The following LRCH1 variants were observed in gnomAD, a reference collection of about 807,000 sequenced individuals.
LRCH1 encodes leucine rich repeats and calponin homology domain containing 1.
In LRCH1, 23 loss-of-function variants were observed where a neutral mutation model predicts 94.9. The observed-to-expected ratio is 0.24, with a 90% CI of 0.17 to 0.34. The LOEUF is 0.34. Ranked by LOEUF, LRCH1 falls within the 10% of genes least tolerant of loss-of-function variation. The pLI, the probability that LRCH1 is intolerant of heterozygous loss-of-function variation, is 1.00. For missense variants in LRCH1, 790 were observed against 945.9 expected, an observed-to-expected ratio of 0.84 and a Z score of 2.16; for synonymous variants, 364 against 354.9, an observed-to-expected ratio of 1.03 and a Z score of -0.29.
chr13:46,683,541 T>G (rs1388041680), intron 4 of LRCH1, among the ~76,000 whole-genome samples: 1 of 152,202 alleles, frequency 6.6e-6, no homozygotes, highest in Non-Finnish European at 1.5e-5. Context: ...ATACAACCTT[T>G]TATGAGTTAA....
At chr13:46,715,765 G>A in intron 16 of LRCH1, 101 bp downstream of exon 16, 1 of 735,350 alleles carries the variant, frequency 1.4e-6, no homozygotes, top group Admixed American at 2.1e-5. Context: ...ATATTCACCT[G>A]CATGCTTGGT....
At chr13:46,609,000 C>T (rs1364001178) in intron 1 of LRCH1, among the ~76,000 whole-genome samples, 1 of 152,266 alleles carries the variant, frequency 6.6e-6, no homozygotes. Flanking sequence ...ATTGACCTCC[C>T]GAGCTGTATG....
At chr13:46,736,153 T>TGTGTGTAC (rs1873375607) in intron 19 of LRCH1, among the ~76,000 whole-genome samples, 1 of 151,962 alleles carries the variant, frequency 6.6e-6, no homozygotes, top group Admixed American at 6.6e-5. Flanking sequence ...TGTGTGTGTG[T>TGTGTGTAC]GTACACATAT....
At chr13:46,587,850 C>T (rs1481111122) in intron 1 of LRCH1, among the ~76,000 whole-genome samples, 3 of 152,170 alleles carry the variant, frequency 2.0e-5, no homozygotes, top group African/African-American at 2.4e-5. Context: ...TCATATAGCA[C>T]TTATTATACA....
chr13:46,692,187 T>C (rs562998633), intron 7 of LRCH1, among the ~76,000 whole-genome samples: 1 of 152,310 alleles, frequency 6.6e-6, no homozygotes, highest in East Asian at 1.9e-4. Flanking sequence ...AGATTTCAGC[T>C]TAAAACAGAG....
At chr13:46,677,761 C>G (rs2051697574) in intron 3 of LRCH1, among the ~76,000 whole-genome samples, 1 of 152,030 alleles carries the variant, frequency 6.6e-6, no homozygotes, top group Non-Finnish European at 1.5e-5. Flanking sequence ...TGTTTTTTAT[C>G]TAAATGACAA....
At chr13:46,582,648 C>CTTTTTTTGTTTTTTTTTTTTTT (rs2050384129) in intron 1 of LRCH1, among the ~76,000 whole-genome samples, 1 of 23,332 alleles carries the variant, frequency 4.3e-5, no homozygotes. Flanking sequence ...CCATGCCCAG[C>CTTTTTTTGTTTTTTTTTTTTTT]TTTTTTTTTT....
chr13:46,670,234 A>G (rs1199447568), intron 3 of LRCH1, among the ~76,000 whole-genome samples: 2 of 152,244 alleles, frequency 1.3e-5, no homozygotes, highest in Non-Finnish European at 2.9e-5. Flanking sequence ...GCATTGTCCA[A>G]AACTCATTCC....
chr13:46,728,598 A>C (rs952699089), intron 17 of LRCH1, among the ~76,000 whole-genome samples: 1 of 152,234 alleles, frequency 6.6e-6, no homozygotes, highest in African/African-American at 2.4e-5. Flanking sequence ...TATCACGCTC[A>C]AAGAGTGATT....
chr13:46,680,913 A>G (rs2051741875), intron 3 of LRCH1, among the ~76,000 whole-genome samples: 1 of 152,170 alleles, frequency 6.6e-6, no homozygotes, highest in Non-Finnish European at 1.5e-5. Context: ...GCTAAGAGAG[A>G]GCACTGGTCT....
intron 1 of LRCH1, among the ~76,000 whole-genome samples, chr13:46,599,569 G>A (rs2050603382): frequency 6.6e-6 from 1 of 152,090 alleles, no homozygotes; most frequent in Admixed American, 6.5e-5. Flanking sequence ...TATTGTTGAA[G>A]AACTATTACA....
intron 3 of LRCH1, among the ~76,000 whole-genome samples, chr13:46,674,548 G>A (rs937818538): frequency 7.9e-5 from 12 of 152,224 alleles, no homozygotes; most frequent in Admixed American, 2.0e-4. Flanking sequence ...CTTCCTGGCT[G>A]CTCTGAATGA....
intron 1 of LRCH1, among the ~76,000 whole-genome samples, chr13:46,569,762 A>G (rs2050221950): frequency 1.3e-5 from 2 of 152,166 alleles, no homozygotes; most frequent in African/African-American, 2.4e-5. Flanking sequence ...GTGTTCCCAT[A>G]TGTTCCAGGT....
intron 1 of LRCH1, among the ~76,000 whole-genome samples, chr13:46,646,090 A>G (rs180703055): frequency 2.6e-5 from 4 of 152,282 alleles, no homozygotes; most frequent in African/African-American, 9.6e-5. Flanking sequence ...AACACAAGAG[A>G]CTTCTGGAAT....
chr13:46,606,652 G>C (rs2050691014), intron 1 of LRCH1, among the ~76,000 whole-genome samples: 1 of 152,120 alleles, frequency 6.6e-6, no homozygotes, highest in African/African-American at 2.4e-5. Context: ...GCTCACTGTA[G>C]CCTTTGTCTC....
chr13:46,667,821 TATA>T (rs1165973526), intron 2 of LRCH1, among the ~76,000 whole-genome samples: 1 of 152,208 alleles, frequency 6.6e-6, no homozygotes, highest in Non-Finnish European at 1.5e-5. Context: ...TACATCAAAG[TATA>T]ATAATGGAAA....
intron 2 of LRCH1, among the ~76,000 whole-genome samples, chr13:46,662,023 C>A (rs2051455249): frequency 6.6e-6 from 1 of 152,102 alleles, no homozygotes. Flanking sequence ...CCAGCCTGAC[C>A]AACATGGTAA....
chr13:46,705,556 T>C (rs1249589402), intron 13 of LRCH1: 2 of 622,490 alleles, frequency 3.2e-6, no homozygotes, highest in Non-Finnish European at 5.9e-6. Context: ...TTTTTTTACC[T>C]CAGATCATCT....
intron 11 of LRCH1, 37 bp from the exon 12 acceptor site, chr13:46,705,031 A>G (rs758901579): frequency 2.7e-6 from 3 of 1,111,448 alleles, no homozygotes; most frequent in Non-Finnish European, 4.0e-6. Context: ...ATAAAAGTTT[A>G]ATACGTTTAC....
Sources: gnomAD v4.1 joint callset for allele counts (sites outside exome capture counted in the v4.1 genomes callset) on GRCh38, gnomAD v4.1.1 for gene constraint, MANE v1.5 for transcripts, NCBI Gene and HGNC (gene_info 2026-07-23, HGNC 2026-07-21) for gene names.